The following TLL1 variants were observed in gnomAD, a reference collection of about 807,000 sequenced individuals.
TLL1 encodes tolloid like 1.
TLL1 carries 49 observed loss-of-function variants against 128.2 expected under a neutral mutation model. That is an observed-to-expected ratio of 0.38 (90% CI 0.30 to 0.48). TLL1 has a LOEUF of 0.48. Among genes scored for constraint, TLL1 ranks in the 20% least tolerant of loss-of-function variants. The probability of loss-of-function intolerance (pLI) is 0.96; values close to 1 mark genes in which losing one functional copy is unlikely to be tolerated. For missense variants in TLL1, 1,123 were observed against 1,242.0 expected (o/e 0.90, Z 1.44); for synonymous variants, 454 against 418.8 (o/e 1.08, Z -1.03).
chr4:165,959,276 G>A (rs533946366), intron 1 of TLL1, among the ~76,000 whole-genome samples: 10 of 152,098 alleles, frequency 6.6e-5, no homozygotes, highest in Admixed American at 2.0e-4. Context: ...GATGGGGATG[G>A]CATTGAATCT....
chr4:165,974,724 T>G (rs551286891), intron 1 of TLL1, among the ~76,000 whole-genome samples: 1 of 152,322 alleles, frequency 6.6e-6, no homozygotes, highest in East Asian at 1.9e-4. Flanking sequence ...TAATTATACT[T>G]ATATTATATC....
chr4:165,942,847 A>G (rs1368712015), intron 1 of TLL1, among the ~76,000 whole-genome samples: 1 of 151,914 alleles, frequency 6.6e-6, no homozygotes, highest in Non-Finnish European at 1.5e-5. Context: ...TTATATGGAG[A>G]CTTTTCATGT....
chr4:166,093,197 C>T (rs1741856544), intron 19 of TLL1, among the ~76,000 whole-genome samples: 1 of 152,102 alleles, frequency 6.6e-6, no homozygotes, highest in Admixed American at 6.6e-5. Flanking sequence ...ACTTAGCACA[C>T]CAAGGACCTG....
intron 16 of TLL1, among the ~76,000 whole-genome samples, chr4:166,070,125 T>C (rs533421629): frequency 6.6e-6 from 1 of 151,928 alleles, no homozygotes; most frequent in South Asian, 2.1e-4. Flanking sequence ...GTTGCTAGAT[T>C]AACAATAATG....
At chr4:165,996,401 G>A (rs148129471) in intron 5 of TLL1, among the ~76,000 whole-genome samples, 3 of 152,262 alleles carry the variant, frequency 2.0e-5, no homozygotes, top group East Asian at 1.9e-4. Context: ...TTGAGGTCAG[G>A]AGTTCGAGAC....
intron 1 of TLL1, among the ~76,000 whole-genome samples, chr4:165,944,231 C>A (rs1329745368): frequency 6.6e-6 from 1 of 152,080 alleles, no homozygotes; most frequent in African/African-American, 2.4e-5. Context: ...TCTTCTCTGA[C>A]CTACATGGTA....
chr4:165,878,920 C>CTTTTT (rs140447889), intron 1 of TLL1, among the ~76,000 whole-genome samples: 6 of 60,510 alleles, frequency 9.9e-5, no homozygotes, highest in Non-Finnish European at 1.4e-4. Flanking sequence ...TGATGGCTTC[C>CTTTTT]TTTTTTTTTT....
Position 165,888,281 on chromosome 4 carries a change from T to C in TLL1, c.169+14208T>C, listed in dbSNP as rs141167116. Among the ~76,000 whole-genome samples the C allele has an allele frequency of 2.1e-3, 313 of 152,290 alleles. 6 individuals are homozygous for C. Among genetic ancestry groups the C allele is most frequent in the East Asian group, 0.011 (58 of 5,186 alleles). ...TTTTTTTAAACATAGGCACTTTTTA[T>C]CAAATTAGGAATTCTGTGTTTACTA... On this transcript the variant is annotated intron_variant, in intron 1 of 20. Transcript: ENST00000061240.
At chr4:166,023,981 A>G (rs114660184) in intron 8 of TLL1, among the ~76,000 whole-genome samples, 125 of 152,210 alleles carry the variant, frequency 8.2e-4, no homozygotes, top group African/African-American at 2.9e-3. Context: ...GATCCTACTT[A>G]GAAGCACATT....
intron 1 of TLL1, among the ~76,000 whole-genome samples, chr4:165,961,124 C>T (rs1384640451): frequency 1.3e-5 from 2 of 152,016 alleles, no homozygotes; most frequent in African/African-American, 4.8e-5. Context: ...CAGTAAAGTT[C>T]CAGGATACAA....
chr4:166,093,734 C>T (rs923791286), intron 19 of TLL1, among the ~76,000 whole-genome samples: 4 of 152,124 alleles, frequency 2.6e-5, no homozygotes, highest in African/African-American at 9.7e-5. Context: ...GGACAATACC[C>T]GGCTTTCCAA....
chr4:165,973,821 A>G (rs1735742788), intron 1 of TLL1, among the ~76,000 whole-genome samples: 1 of 151,922 alleles, frequency 6.6e-6, no homozygotes, highest in African/African-American at 2.4e-5. Context: ...GTGAGCCACC[A>G]TGCCCAGCTA....
intron 1 of TLL1, among the ~76,000 whole-genome samples, chr4:165,914,271 A>G (rs1732680795): frequency 6.6e-6 from 1 of 152,182 alleles, no homozygotes; most frequent in Non-Finnish European, 1.5e-5. Flanking sequence ...CCTACTAAAA[A>G]TGTTATATTT....
chr4:166,002,498 G>A (rs200907429), intron 5 of TLL1, among the ~76,000 whole-genome samples: 7 of 151,944 alleles, frequency 4.6e-5, no homozygotes, highest in East Asian at 1.9e-4. Flanking sequence ...AGGCTGGAGC[G>A]CAGTGGTACG....
chr4:166,100,542 G>A (rs1742239518), intron 20 of TLL1, among the ~76,000 whole-genome samples, 200 bp from the exon 21 acceptor site: 1 of 152,104 alleles, frequency 6.6e-6, no homozygotes, highest in African/African-American at 2.4e-5. Flanking sequence ...AGTCGCGTGA[G>A]CTCTAGCATG....
At chr4:166,008,157 C>A in intron 7 of TLL1, 109 bp downstream of exon 7, 1 of 745,032 alleles carries the variant, frequency 1.3e-6, no homozygotes, top group East Asian at 2.7e-5. Flanking sequence ...ATATTGCTAC[C>A]TCACTGCAGA....
intron 6 of TLL1, among the ~76,000 whole-genome samples, chr4:166,006,775 A>G (rs1450408486): frequency 6.6e-6 from 1 of 151,786 alleles, no homozygotes; most frequent in Non-Finnish European, 1.5e-5. Context: ...ATTCAAAGAC[A>G]GACTAAAACA....
At chr4:166,087,867 G>C (rs1341748582) in intron 18 of TLL1, among the ~76,000 whole-genome samples, 1 of 152,010 alleles carries the variant, frequency 6.6e-6, no homozygotes, top group East Asian at 1.9e-4. Context: ...TATTTCTTTT[G>C]AATTGGACTC....
chr4:165,949,292 AT>A (rs1276609422), intron 1 of TLL1, among the ~76,000 whole-genome samples: 6 of 152,052 alleles, frequency 3.9e-5, no homozygotes, highest in Non-Finnish European at 8.8e-5. Context: ...AATTTTTTGA[AT>A]TTACTTGAGT....
Sources: allele counts gnomAD v4.1 joint callset (sites outside exome capture counted in the v4.1 genomes callset), GRCh38; gene constraint gnomAD v4.1.1; transcripts MANE v1.5; gene names NCBI Gene and HGNC (gene_info 2026-07-23, HGNC 2026-07-21).